GFRA1: variants seen among roughly 807,000 people sequenced by gnomAD.
GFRA1 encodes GDNF family receptor alpha 1.
A neutral mutation model predicts 51.6 loss-of-function variants in GFRA1; 16 were observed. The observed-to-expected ratio is 0.31, with a 90% confidence interval of 0.21 to 0.47. GFRA1 has a LOEUF of 0.47. Ranked by LOEUF, GFRA1 falls within the 20% of genes least tolerant of loss-of-function variation. GFRA1 has a pLI of 1.00. For synonymous variants in GFRA1, 270 were observed against 241.3 expected (o/e 1.12, Z -1.10); for missense variants, 530 against 594.3 (o/e 0.89, Z 1.13).
In GFRA1 at chr10:116,064,107, G is replaced by A. The variant is rs1052807825; in HGVS notation, c.*291C>T. 3.5e-6 allele frequency: 1 copy of A among 282,988 alleles called. No homozygotes were observed. Among genetic ancestry groups the A allele is most frequent in the Non-Finnish European group, 6.7e-6 (1 of 149,192 alleles). The allele number at this position is 282,988 out of a possible 1,614,324, so 17.5% of individuals were successfully genotyped here. On this transcript the variant is annotated 3_prime_UTR_variant, in exon 11 of 11. Transcript: ENST00000355422. Reference sequence around the variant, plus strand: ...CATCATCATGATCATCATCATCATCGAAAACACAGCCCCAGTTTGCTTTAC... The same window carrying A: ...CATCATCATGATCATCATCATCATCAAAAACACAGCCCCAGTTTGCTTTAC...
intron 5 of GFRA1, among the ~76,000 whole-genome samples, chr10:116,155,129 CTCATT>C (rs1959175936): frequency 6.6e-6 from 1 of 152,094 alleles, no homozygotes; most frequent in Non-Finnish European, 1.5e-5. Flanking sequence ...AGAACTTTAT[CTCATT>C]TAATACTCAT....
intron 4 of GFRA1, among the ~76,000 whole-genome samples, chr10:116,212,585 C>A (rs1208320265): frequency 6.7e-6 from 1 of 149,842 alleles, no homozygotes; most frequent in Non-Finnish European, 1.5e-5. Flanking sequence ...AAAAAATAAA[C>A]AAACAAGCAG....
chr10:116,073,154 T>G (rs1292125275), intron 9 of GFRA1, among the ~76,000 whole-genome samples: 2 of 152,224 alleles, frequency 1.3e-5, no homozygotes, highest in Non-Finnish European at 2.9e-5. Context: ...AAGCATTCCC[T>G]CGGGCTTCCC....
chr10:116,178,773 C>A (rs185681420), intron 5 of GFRA1, among the ~76,000 whole-genome samples: 28 of 152,318 alleles, frequency 1.8e-4, no homozygotes, highest in African/African-American at 6.5e-4. Context: ...TCTAACAGAA[C>A]AATACCATCT....
rs530399969 is a variant in GFRA1, at chr10:116,166,780, CTTTTTTTTTTTTTTTTTT to C, written c.434-41241_434-41224del. The stretch of plus-strand genomic sequence containing the variant: ...TCCCTTGAAGGATAGCAACAATCTT[CTTTTTTTTTTTTTTTTTT>C]TTTTTTTTTTTTTTTTGTTGAGACG... On this transcript the variant is annotated intron_variant, in intron 5 of 10. Transcript: ENST00000355422. Among the ~76,000 whole-genome samples the C allele has an allele frequency of 5.5e-4, 42 of 76,450 alleles. 3 individuals are homozygous for C. The South Asian group carries it at 0.017, about 31-fold the overall frequency. 50.2% of individuals were successfully genotyped at this position (76,450 alleles called of 152,430 possible). A position where few individuals can be genotyped will look rare whatever the true frequency, so the allele number is the denominator to read the frequency against.
At chr10:116,139,234 G>A (rs1344040538) in intron 5 of GFRA1, among the ~76,000 whole-genome samples, 3 of 152,186 alleles carry the variant, frequency 2.0e-5, no homozygotes, top group East Asian at 1.9e-4. Flanking sequence ...CTAATAGAAC[G>A]TGGCATTCCT....
chr10:116,149,256 A>G (rs1958963456), intron 5 of GFRA1, among the ~76,000 whole-genome samples: 1 of 152,354 alleles, frequency 6.6e-6, no homozygotes, highest in South Asian at 2.1e-4. Flanking sequence ...TAGCAGCACA[A>G]TAAAAAATCC....
chr10:116,198,190 G>T, intron 5 of GFRA1, among the ~76,000 whole-genome samples: 1 of 151,924 alleles, frequency 6.6e-6, no homozygotes, highest in African/African-American at 2.4e-5. Flanking sequence ...CCTCCCCAAC[G>T]CCCCCACACG....
At chr10:116,116,364 C>T (rs1005397111) in intron 6 of GFRA1, among the ~76,000 whole-genome samples, 2 of 152,246 alleles carry the variant, frequency 1.3e-5, no homozygotes, top group African/African-American at 4.8e-5. Context: ...CTGGTGACAC[C>T]ATGGATTATT....
intron 5 of GFRA1, among the ~76,000 whole-genome samples, chr10:116,178,973 T>C (rs1036011567): frequency 2.6e-5 from 4 of 152,268 alleles, no homozygotes; most frequent in African/African-American, 9.6e-5. Context: ...CCAAGCCAGG[T>C]ACCTGCTACC....
intron 4 of GFRA1, among the ~76,000 whole-genome samples, chr10:116,230,355 T>C (rs1240783675): frequency 2.6e-5 from 4 of 152,206 alleles, no homozygotes; most frequent in Non-Finnish European, 5.9e-5. Flanking sequence ...TGACAACTTG[T>C]TCAAGATCAC....
intron 4 of GFRA1, among the ~76,000 whole-genome samples, chr10:116,260,410 G>A (rs193066507): frequency 9.1e-4 from 138 of 152,268 alleles, no homozygotes; most frequent in Non-Finnish European, 1.5e-3. Context: ...GTCTGTATAC[G>A]TGTTTATAAA....
At chr10:116,268,707 T>C (rs1380833093) in intron 4 of GFRA1, among the ~76,000 whole-genome samples, 1 of 152,200 alleles carries the variant, frequency 6.6e-6, no homozygotes, top group Non-Finnish European at 1.5e-5. Context: ...GTGGTGGCTA[T>C]ATATACTTGA....
At chr10:116,244,484 TAAC>T (rs925186583) in intron 4 of GFRA1, among the ~76,000 whole-genome samples, 12 of 146,904 alleles carry the variant, frequency 8.2e-5, no homozygotes, top group African/African-American at 2.2e-4. Flanking sequence ...TAAATTTTAA[TAAC>T]AATTTAATAT....
chr10:116,219,658 T>A (rs1163945644), intron 4 of GFRA1, among the ~76,000 whole-genome samples: 1 of 152,210 alleles, frequency 6.6e-6, no homozygotes, highest in Non-Finnish European at 1.5e-5. Flanking sequence ...TTAATTTTCC[T>A]AAACTTCTAT....
chr10:116,125,549 T>C lies in GFRA1; in HGVS notation c.442A>G (p.Ile148Val), dbSNP rs45596233. 22 of 1,612,452 alleles carry C rather than the reference T, an allele frequency of 1.4e-5. No homozygotes were observed. The Admixed American group carries it at 3.5e-4, about 26-fold the overall frequency. The change falls in exon 6 of 11, where the codon ATT becomes GTT. Residue 148 changes from isoleucine to valine, a missense_variant. Coordinates refer to ENST00000355422, the MANE Select transcript of GFRA1 (RefSeq NM_005264.8). ...TCCAGGCAGTTGTTCCCTTTGGGAA[T>C]GTGCTCCACTGCAAATGCAGAGAAA... ...ISDVFQQVEHIPKGNNCLDAA... is the reference protein window; with the variant it reads ...ISDVFQQVEHVPKGNNCLDAA...
At chr10:116,125,826 C>T (rs985629211) in intron 5 of GFRA1, among the ~76,000 whole-genome samples, 3 of 152,182 alleles carry the variant, frequency 2.0e-5, no homozygotes, top group Admixed American at 6.5e-5. Context: ...CGGGCACCTG[C>T]CCCACTACAT....
At chr10:116,134,571 C>A (rs1340394148) in intron 5 of GFRA1, among the ~76,000 whole-genome samples, 1 of 152,180 alleles carries the variant, frequency 6.6e-6, no homozygotes, top group Admixed American at 6.5e-5. Context: ...CTGTTTGGAA[C>A]CCATTTTGTC....
chr10:116,205,833 C>T (rs900531323), intron 5 of GFRA1, among the ~76,000 whole-genome samples: 4 of 151,332 alleles, frequency 2.6e-5, no homozygotes, highest in Admixed American at 1.3e-4. Flanking sequence ...GGTCACCTGG[C>T]AGGGAAGAGG....
Sources: gnomAD v4.1 joint callset for allele counts (sites outside exome capture counted in the v4.1 genomes callset) on GRCh38, gnomAD v4.1.1 for gene constraint, MANE v1.5 for transcripts, NCBI Gene and HGNC (gene_info 2026-07-23, HGNC 2026-07-21) for gene names.